Variants in AACS observed in about 807,000 individuals in gnomAD.
AACS encodes the protein acetoacetate-CoA ligase.
Under a neutral mutation model 83.1 loss-of-function variants are expected in AACS, and 69 were observed. The observed-to-expected ratio is 0.83, with a 90% CI of 0.68 to 1.01. AACS has a LOEUF of 1.01. Among genes scored for constraint, AACS ranks in the 50% least tolerant of loss-of-function variants. The probability of loss-of-function intolerance (pLI) is 0.00; values close to 1 mark genes in which losing one functional copy is unlikely to be tolerated. For synonymous variants in AACS, 333 were observed against 343.4 expected, an observed-to-expected ratio of 0.97 and a Z score of 0.33; for missense variants, 866 against 882.2, an observed-to-expected ratio of 0.98 and a Z score of 0.23.
chr12:125,077,194 A>G (rs1956045932), intron 3 of AACS, among the ~76,000 whole-genome samples: 1 of 151,196 alleles, frequency 6.6e-6, no homozygotes, highest in Non-Finnish European at 1.5e-5. Flanking sequence ...GGGATTTCAG[A>G]CATGAGCCAC....
intron 14 of AACS, among the ~76,000 whole-genome samples, chr12:125,132,826 G>A (rs989192486): frequency 3.9e-5 from 6 of 152,174 alleles, no homozygotes; most frequent in African/African-American, 1.2e-4. Context: ...GCTTGTGGCA[G>A]TGTCTGCTTC....
At chr12:125,114,144 G>A (rs989406184) in intron 8 of AACS, among the ~76,000 whole-genome samples, 1 of 151,972 alleles carries the variant, frequency 6.6e-6, no homozygotes, top group African/African-American at 2.4e-5. Context: ...TCTCTTCTCA[G>A]GAAGGGTCAC....
intron 7 of AACS, among the ~76,000 whole-genome samples, chr12:125,106,662 G>A (rs982652308): frequency 1.3e-5 from 2 of 152,176 alleles, no homozygotes; most frequent in African/African-American, 4.8e-5. Context: ...CTTGGTGAGT[G>A]CTTCCTTTTG....
At chr12:125,142,022 T>C in intron 17 of AACS, 70 bp from the exon 18 acceptor site, 3 of 1,589,258 alleles carry the variant, frequency 1.9e-6, no homozygotes, top group Non-Finnish European at 2.6e-6. Context: ...GGGGCCTGGA[T>C]ATATCCAGGG....
intron 14 of AACS, among the ~76,000 whole-genome samples, chr12:125,133,532 G>C (rs1170023169): frequency 6.6e-6 from 1 of 152,200 alleles, no homozygotes; most frequent in Non-Finnish European, 1.5e-5. Flanking sequence ...TACATGACTC[G>C]GACTGGTGCA....
In AACS at chr12:125,095,970, C is replaced by T. The variant is rs142867400; in HGVS notation, c.570+4447C>T. 9.4e-3 allele frequency among the ~76,000 whole-genome samples: 1,433 copies of T among 152,176 alleles called. 12 individuals are homozygous for T. Among genetic ancestry groups the T allele is most frequent in the Middle Eastern group, 0.024 (7 of 294 alleles). ...GGGTTAGGGAGTGGATACTATTGCC[C>T]CTCTTTTTTTCTGAGACGGAGTCTC... On this transcript the variant is annotated intron_variant, in intron 5 of 17. Transcript: ENST00000316519.
chr12:125,069,034 G>T (rs980775805), intron 1 of AACS, among the ~76,000 whole-genome samples: 1 of 151,978 alleles, frequency 6.6e-6, no homozygotes, highest in Non-Finnish European at 1.5e-5. Flanking sequence ...TAGACACGGG[G>T]GTTTCACCAT....
chr12:125,067,588 C>T (rs188509823), intron 1 of AACS, among the ~76,000 whole-genome samples: 259 of 151,848 alleles, frequency 1.7e-3, no homozygotes, highest in Non-Finnish European at 3.1e-3. Context: ...GGCTGGAGTG[C>T]GACGGCGCAA....
At chr12:125,098,308 G>T (rs1048999091) in intron 5 of AACS, among the ~76,000 whole-genome samples, 1 of 151,832 alleles carries the variant, frequency 6.6e-6, no homozygotes, top group Non-Finnish European at 1.5e-5. Flanking sequence ...CACACAGCCT[G>T]ATCCTGAGCC....
intron 17 of AACS, chr12:125,141,824 G>C: frequency 2.2e-6 from 1 of 464,494 alleles, no homozygotes; most frequent in Non-Finnish European, 3.9e-6. Flanking sequence ...GGTGTGGAGA[G>C]TGTTAGAGTT....
chr12:125,109,417 C>CAACATCCATTTTT (rs1956902905), intron 8 of AACS, among the ~76,000 whole-genome samples: 1 of 152,210 alleles, frequency 6.6e-6, no homozygotes, highest in African/African-American at 2.4e-5. Flanking sequence ...TGCCTGATGT[C>CAACATCCATTTTT]AACATCCATT....
chr12:125,081,705 G>A (rs999088866), intron 3 of AACS, among the ~76,000 whole-genome samples: 3 of 152,162 alleles, frequency 2.0e-5, no homozygotes, highest in Non-Finnish European at 2.9e-5. Context: ...AGCTGCCTGC[G>A]CAGCACATTT....
At chr12:125,141,880 T>G (rs1957501173) in intron 17 of AACS, among the ~76,000 whole-genome samples, 1 of 151,820 alleles carries the variant, frequency 6.6e-6, no homozygotes. Flanking sequence ...AAGAACAGGT[T>G]TTATCCCCCA....
chr12:125,101,131 C>T (rs1956700299), intron 5 of AACS: 1 of 152,224 alleles, frequency 6.6e-6, no homozygotes. Context: ...ATGGCAGTCT[C>T]TTAACACAGT....
intron 12 of AACS, chr12:125,126,528 C>T (rs1957247498): frequency 6.6e-6 from 1 of 151,578 alleles, no homozygotes; most frequent in Middle Eastern, 3.6e-3. Context: ...AATTCCCCTT[C>T]ACATGACTTA....
At chr12:125,075,281 T>G (rs886847316) in intron 2 of AACS, among the ~76,000 whole-genome samples, 4 of 151,612 alleles carry the variant, frequency 2.6e-5, no homozygotes, top group Non-Finnish European at 4.4e-5. Flanking sequence ...CATTAGTTTT[T>G]TAAACTATTT....
rs764827940 is a variant in AACS at position 125,102,700 on chromosome 12, C to G, written c.592C>G (p.Gln198Glu). 2 of 1,614,050 alleles carry G rather than the reference C, an allele frequency of 1.2e-6. No homozygotes were observed. Among genetic ancestry groups the G allele is most frequent in the Non-Finnish European group, 1.7e-6 (2 of 1,179,970 alleles). The change falls in exon 6 of 18, where the codon CAA becomes GAA. Residue 198 changes from glutamine (Q) to glutamate (E), a missense_variant. By Grantham distance (29) the Gln-to-Glu change is conservative. Transcript: ENST00000316519. ...GVNGVLDRFSQIQPKLIFSVE... is the reference protein window; with the variant it reads ...GVNGVLDRFSEIQPKLIFSVE... Reference sequence around the variant, plus strand: ...TCAGGGTGTGCTGGACCGGTTTTCTCAAATTCAGCCAAAGCTCATCTTCTC... The same window carrying G: ...TCAGGGTGTGCTGGACCGGTTTTCTGAAATTCAGCCAAAGCTCATCTTCTC...
intron 10 of AACS, chr12:125,121,977 G>C (rs891120884): frequency 6.6e-6 from 1 of 152,618 alleles, no homozygotes; most frequent in Non-Finnish European, 1.5e-5. Flanking sequence ...AAAGACAGAG[G>C]CCAACCTCAG....
chr12:125,084,392 CTTCTTTCCTTTCCT>C (rs1403004288), intron 3 of AACS, among the ~76,000 whole-genome samples: 2 of 151,292 alleles, frequency 1.3e-5, no homozygotes, highest in African/African-American at 2.4e-5. Context: ...CCCTCCTTTC[CTTCTTTCCTTTCCT>C]TTCTTTCCTT....
Sources: gnomAD v4.1 joint callset for allele counts (sites outside exome capture counted in the v4.1 genomes callset) on GRCh38, gnomAD v4.1.1 for gene constraint, MANE v1.5 for transcripts, NCBI Gene and HGNC (gene_info 2026-07-23, HGNC 2026-07-21) for gene names.